Variants in JAKMIP1 observed in about 807,000 individuals in gnomAD.
JAKMIP1 encodes janus kinase and microtubule-interacting protein 1.
JAKMIP1 carries 33 observed loss-of-function variants against 113.0 expected under a neutral mutation model. The observed-to-expected ratio is 0.29, with a 90% CI of 0.22 to 0.39. JAKMIP1 has a LOEUF of 0.39. Among genes scored for constraint, JAKMIP1 ranks in the 10% least tolerant of loss-of-function variants. JAKMIP1 has a pLI of 1.00. For synonymous variants in JAKMIP1, 480 were observed against 459.9 expected (o/e 1.04, Z -0.56); for missense variants, 813 against 1,080.5 (o/e 0.75, Z 3.47).
chr4:6,117,967 A>C (rs1253141328), intron 1 of JAKMIP1, among the ~76,000 whole-genome samples: 1 of 152,194 alleles, frequency 6.6e-6, no homozygotes, highest in African/African-American at 2.4e-5. Context: ...TCAAACACAC[A>C]TGCTGTACAA....
chr4:6,062,590 A>C, intron 9 of JAKMIP1, 150 bp from the exon 10 acceptor site: 1 of 849,320 alleles, frequency 1.2e-6, no homozygotes, highest in Non-Finnish European at 1.8e-6. Context: ...CACATCTCAC[A>C]GTGCTGCCAA....
At position 6,185,011 on chromosome 4, in the gene JAKMIP1, A is replaced by G. The variant is rs1017645960; in HGVS notation, c.-148+15242T>C. Among the ~76,000 whole-genome samples the G allele has an allele frequency of 6.6e-6, 1 of 152,142 alleles. No homozygotes were observed. Among genetic ancestry groups the G allele is most frequent in the Non-Finnish European group, 1.5e-5 (1 of 68,030 alleles). ...TTCCTCCCCTCGAACATCAGACTCC[A>G]AGTTCTTCAGCGTTTGGCCTCTTGG... On this transcript the variant is annotated intron_variant, in intron 1 of 20. Coordinates refer to ENST00000409021, the MANE Select transcript of JAKMIP1 (RefSeq NM_001099433.2). This position sits in a 1 kb window ranked among gnomAD's most constrained non-coding sequence, Gnocchi z 5.3.
rs139505372 is a variant in JAKMIP1, at chr4:6,125,566, A to AACAC, written c.-147-12573_-147-12570dup. Among the ~76,000 whole-genome samples, 1,026 of 150,214 alleles carry AACAC rather than the reference A, an allele frequency of 6.8e-3. 14 individuals are homozygous for AACAC. Among genetic ancestry groups the AACAC allele is most frequent in the African/African-American group, 0.022 (882 of 40,528 alleles). ...CACAAACATGCAGGTACCATACAGA[A>AACAC]ACACACACACACACCATACACACCA... On this transcript the variant is annotated intron_variant, in intron 1 of 20. Coordinates refer to ENST00000409021, the MANE Select transcript of JAKMIP1 (RefSeq NM_001099433.2).
chr4:6,146,225 G>T, intron 1 of JAKMIP1, among the ~76,000 whole-genome samples: 1 of 59,286 alleles, frequency 1.7e-5, no homozygotes, highest in South Asian at 1.1e-3. Flanking sequence ...TAGCTGCCAG[G>T]GGCTGGGGGG....
intron 1 of JAKMIP1, among the ~76,000 whole-genome samples, chr4:6,130,256 G>T (rs1718312792): frequency 6.6e-6 from 1 of 152,216 alleles, no homozygotes; most frequent in Non-Finnish European, 1.5e-5. Flanking sequence ...TTTAGTTTCT[G>T]GTCTGTCACA....
rs574241407 is a variant in JAKMIP1 at position 6,090,088 on chromosome 4, G to A, written c.625-4459C>T. ...AATACAAAAATTAGCCAGGTGAGGTGGTGCATGCCTGTAATCCCAGCTATT... is the reference window on the plus strand; with the variant it reads ...AATACAAAAATTAGCCAGGTGAGGTAGTGCATGCCTGTAATCCCAGCTATT... On this transcript the variant is annotated intron_variant, in intron 3 of 20. Coordinates refer to ENST00000409021, the MANE Select transcript of JAKMIP1 (RefSeq NM_001099433.2). Among the ~76,000 whole-genome samples the A allele has an allele frequency of 5.7e-4, 86 of 152,184 alleles. 1 individual carries two copies. Among genetic ancestry groups the A allele is most frequent in the African/African-American group, 2.1e-3 (86 of 41,508 alleles).
rs927192055 is a variant in JAKMIP1, at chr4:6,067,372, G to T, written c.1303-2364C>A. Among the ~76,000 whole-genome samples the T allele has an allele frequency of 1.1e-4, 16 of 152,184 alleles. No individual in the cohort carries two copies. The highest frequency in any genetic ancestry group is 3.1e-4 in the African/African-American group (13 of 41,428). ...TACATGCCCCAGATGAGTCTCATTG[G>T]CAGGTACGTGAAGACTATGGGCACC... On this transcript the variant is annotated intron_variant, in intron 8 of 20. Transcript: ENST00000409021. This position sits in a 1 kb window ranked among gnomAD's most constrained non-coding sequence, Gnocchi z 4.6.
rs561974464 is a variant in JAKMIP1, at chr4:6,086,570, G to A, written c.625-941C>T. ...ACACAGTGGGCCGGGTGACAGTGAG[G>A]AACCACACCAAAAAAAGTATGCAGA... On this transcript the variant is annotated intron_variant, in intron 3 of 20. Coordinates refer to ENST00000409021, the MANE Select transcript of JAKMIP1 (RefSeq NM_001099433.2). This position sits in a 1 kb window ranked among gnomAD's most constrained non-coding sequence, Gnocchi z 4.1. Among the ~76,000 whole-genome samples the A allele has an allele frequency of 8.7e-4, 132 of 152,044 alleles. 1 individual carries two copies. The highest frequency in any genetic ancestry group is 4.2e-4 in the South Asian group (2 of 4,788).
In JAKMIP1 at chr4:6,200,214, C is replaced by G. The variant is rs1728297539; in HGVS notation, c.-148+39G>C. The G allele has an allele frequency of 6.6e-6, 1 of 151,894 alleles. No homozygotes were observed. Among genetic ancestry groups the G allele is most frequent in the African/African-American group, 2.4e-5 (1 of 41,326 alleles). The allele number at this position is 151,894 out of a possible 1,614,324, so 9.4% of individuals were successfully genotyped here. ...GCCGGGTCCACGGGTTCCCTCTGGC[C>G]AGCGCTCGCCTCCCGCCCCCCGGCG... On this transcript the variant is annotated intron_variant, in intron 1 of 20. Coordinates refer to ENST00000409021, the MANE Select transcript of JAKMIP1 (RefSeq NM_001099433.2). The surrounding 1 kb of genome is among the most constrained non-coding windows in gnomAD (Gnocchi z 7.0).
intron 12 of JAKMIP1, among the ~76,000 whole-genome samples, chr4:6,056,393 GC>G (rs1463912312): frequency 1.2e-4 from 17 of 145,860 alleles, no homozygotes; most frequent in South Asian, 4.2e-4. Flanking sequence ...AGAGGTTGGG[GC>G]CAGCCCTCCC....
intron 3 of JAKMIP1, among the ~76,000 whole-genome samples, chr4:6,100,216 T>C (rs1280793728): frequency 6.6e-6 from 1 of 152,166 alleles, no homozygotes; most frequent in South Asian, 2.1e-4. Context: ...CCCAGTAAGG[T>C]CCCTCACACT....
In JAKMIP1 at chr4:6,187,376, C is replaced by T. The variant is rs1560347067; in HGVS notation, c.-148+12877G>A. Among the ~76,000 whole-genome samples, 1 of 152,110 alleles carries T rather than the reference C, an allele frequency of 6.6e-6. No homozygotes were observed. Among genetic ancestry groups the T allele is most frequent in the South Asian group, 2.1e-4 (1 of 4,816 alleles). On this transcript the variant is annotated intron_variant, in intron 1 of 20. Coordinates refer to ENST00000409021, the MANE Select transcript of JAKMIP1 (RefSeq NM_001099433.2). The surrounding 1 kb of genome is among the most constrained non-coding windows in gnomAD (Gnocchi z 4.2). The stretch of plus-strand genomic sequence containing the variant: ...CCTTTCACTTTCAATCTATTTGTAT[C>T]CTTGAATCTAAAGTGTGTCTCCTAT...
rs1433605857 is a variant in JAKMIP1, at chr4:6,193,439, T to G, written c.-148+6814A>C. 1.3e-5 allele frequency among the ~76,000 whole-genome samples: 2 copies of G among 152,170 alleles called. No individual in the cohort carries two copies. The highest frequency in any genetic ancestry group is 4.8e-5 in the African/African-American group (2 of 41,424). On this transcript the variant is annotated intron_variant, in intron 1 of 20. Coordinates refer to ENST00000409021, the MANE Select transcript of JAKMIP1 (RefSeq NM_001099433.2). The surrounding 1 kb of genome is among the most constrained non-coding windows in gnomAD (Gnocchi z 6.4). ...TTCTGTCTCTCTAGAGAACCCTGAC[T>G]AATACAGACGTGAGGGATGAAAAGA...
chr4:6,122,521 A>G (rs1301387119), intron 1 of JAKMIP1, among the ~76,000 whole-genome samples: 5 of 152,218 alleles, frequency 3.3e-5, no homozygotes, highest in Non-Finnish European at 7.3e-5. Context: ...CTTGTCTTTA[A>G]AAGATGGTGC....
intron 16 of JAKMIP1, among the ~76,000 whole-genome samples, chr4:6,045,190 C>A (rs900926262): frequency 6.6e-6 from 1 of 152,264 alleles, no homozygotes; most frequent in African/African-American, 2.4e-5. Context: ...CCTCATTCTC[C>A]TATCCATCGT....
intron 1 of JAKMIP1, among the ~76,000 whole-genome samples, chr4:6,128,148 G>T (rs1191277623): frequency 1.3e-5 from 2 of 152,210 alleles, no homozygotes; most frequent in Admixed American, 6.5e-5. Context: ...CAGTCATGTG[G>T]TTAGAAAAGG....
Position 6,042,207 on chromosome 4 carries a change from C to G in JAKMIP1, c.2049G>C (p.Gly683=), listed in dbSNP as rs765126658. The G allele has an allele frequency of 1.5e-5, 24 of 1,613,852 alleles. No homozygotes were observed. The highest frequency in any genetic ancestry group is 2.0e-5 in the Non-Finnish European group (24 of 1,179,868). Residue 683 remains glycine (G), a synonymous_variant, in exon 17 of 21, where the codon GGG becomes GGC. Transcript: ENST00000409021. This position sits in a 1 kb window ranked among gnomAD's most constrained non-coding sequence, Gnocchi z 5.2. The part of the protein sequence containing the change: ...LCEKWLKQIE[G]TEAALTQKML... ...TCTTCTGGGTCAGGGCGGCCTCGGT[C>G]CCCTCTATTTGCTTCAGCCACTAGA...
At chr4:6,152,174 G>A (rs1323214974) in intron 1 of JAKMIP1, among the ~76,000 whole-genome samples, 1 of 152,064 alleles carries the variant, frequency 6.6e-6, no homozygotes, top group African/African-American at 2.4e-5. Flanking sequence ...AGAGAGCAGG[G>A]AGGGAGGAAG....
intron 1 of JAKMIP1, among the ~76,000 whole-genome samples, chr4:6,126,578 G>GCACACACACCATGCAGAAA: frequency 2.0e-5 from 2 of 101,592 alleles, no homozygotes; most frequent in East Asian, 3.4e-4. Context: ...ACACTCACAC[G>GCACACACACCATGCAGAAA]CACACACACC....
Sources: allele counts gnomAD v4.1 joint callset (sites outside exome capture counted in the v4.1 genomes callset), GRCh38; gene constraint gnomAD v4.1.1; non-coding constraint Gnocchi (gnomAD v3.1); transcripts MANE v1.5; gene names NCBI Gene and HGNC (gene_info 2026-07-23, HGNC 2026-07-21).